The following ZZEF1 variants were observed in gnomAD, a reference collection of about 807,000 sequenced individuals.
The protein encoded by ZZEF1 is zinc finger ZZ-type and EF-hand domain-containing protein 1.
Under a neutral mutation model 342.8 loss-of-function variants are expected in ZZEF1, and 157 were observed. The ratio of observed to expected loss-of-function variants is 0.46; its 90% CI spans 0.40 to 0.52. The LOEUF (loss-of-function observed/expected upper bound fraction) is 0.52, where lower values mean the gene tolerates loss of function less well. Ranked by LOEUF, ZZEF1 falls within the 20% of genes least tolerant of loss-of-function variation. The pLI is 0.00. For missense variants in ZZEF1, 3,480 were observed against 3,725.6 expected (o/e 0.93, Z 1.72); for synonymous variants, 1,505 against 1,429.1 (o/e 1.05, Z -1.20).
At chr17:4,137,565 T>C (rs2058772039) in intron 1 of ZZEF1, among the ~76,000 whole-genome samples, 1 of 152,174 alleles carries the variant, frequency 6.6e-6, no homozygotes, top group African/African-American at 2.4e-5. Flanking sequence ...TGAGCCAAGA[T>C]TGTGCCACTG....
chr17:4,099,666 C>G (rs2058094118), intron 9 of ZZEF1, among the ~76,000 whole-genome samples: 1 of 152,050 alleles, frequency 6.6e-6, no homozygotes, highest in African/African-American at 2.4e-5. Context: ...CTGCCTCAGC[C>G]TCCCAAGTAG....
At chr17:4,118,450 C>T (rs367571655) in intron 2 of ZZEF1, among the ~76,000 whole-genome samples, 39 of 152,330 alleles carry the variant, frequency 2.6e-4, no homozygotes, top group African/African-American at 8.7e-4. Flanking sequence ...CTATGGGGGT[C>T]TGCCAAAGGC....
intron 1 of ZZEF1, among the ~76,000 whole-genome samples, chr17:4,131,013 C>T (rs1158637341): frequency 6.6e-5 from 10 of 152,102 alleles, no homozygotes; most frequent in Non-Finnish European, 7.4e-5. Context: ...TTTTCTAACC[C>T]GGAAGTCATT....
Position 4,088,682 on chromosome 17 carries a change from T to C in ZZEF1, c.2237A>G (p.Asp746Gly). The C allele has an allele frequency of 6.2e-7, 1 of 1,613,624 alleles. No individual in the cohort carries two copies. Among genetic ancestry groups the C allele is most frequent in the South Asian group, 1.1e-5 (1 of 91,044 alleles). Residue 746 changes from aspartate to glycine, a missense_variant, in exon 13 of 55, where the codon GAC becomes GGC. Physicochemically the swap from Asp to Gly is moderately conservative, Grantham distance 94. Around this residue, in one of 5 missense-constraint regions of ZZEF1, gnomAD observed 1,528 missense variants for 1,624.1 expected, o/e 0.94. Coordinates refer to ENST00000381638, the MANE Select transcript of ZZEF1 (RefSeq NM_015113.4). Reference protein sequence around the residue: ...TLQFIQQLAHDLVQQKESGLK... With the variant: ...TLQFIQQLAHGLVQQKESGLK... Reference sequence around the variant, plus strand: ...TAACAACTGAGGAAGCCCTACCAGGTCATGGGCGAGCTGCTGGATAAACTG... The same window carrying C: ...TAACAACTGAGGAAGCCCTACCAGGCCATGGGCGAGCTGCTGGATAAACTG...
intron 44 of ZZEF1, among the ~76,000 whole-genome samples, chr17:4,021,588 C>A (rs1452011611): frequency 1.3e-5 from 2 of 152,166 alleles, no homozygotes; most frequent in African/African-American, 4.8e-5. Flanking sequence ...CTTCTTTTGG[C>A]AAAATGTAAA....
chr17:4,102,501 G>A (rs1194566954), intron 8 of ZZEF1, 86 bp from the exon 9 acceptor site: 5 of 1,156,472 alleles, frequency 4.3e-6, no homozygotes, highest in Non-Finnish European at 3.8e-6. Context: ...ATAGAGTCCT[G>A]TGGCTACCCA....
intron 33 of ZZEF1, 92 bp downstream of exon 33, chr17:4,056,124 C>T: frequency 7.5e-7 from 1 of 1,336,452 alleles, no homozygotes; most frequent in South Asian, 2.2e-5. Flanking sequence ...GCAGCCCTCT[C>T]AGGTAAGAGC....
chr17:4,083,202 T>C (rs756580529), intron 16 of ZZEF1, among the ~76,000 whole-genome samples: 4 of 152,236 alleles, frequency 2.6e-5, no homozygotes, highest in Non-Finnish European at 4.4e-5. Context: ...TACAGAAGGT[T>C]GGCAGTGCTA....
In ZZEF1 at chr17:4,115,670, T is replaced by TA. The variant is rs1343361538; in HGVS notation, c.695-1201dup. On this transcript the variant is annotated intron_variant, in intron 3 of 54. Transcript: ENST00000381638. ...AGAGTAAGACTCCGTCGCAAATAAA[T>TA]AAATAAAATAAAATAAATAAACTAA... is the stretch of plus-strand genomic sequence containing the variant. 9.2e-5 allele frequency among the ~76,000 whole-genome samples: 14 copies of TA among 152,116 alleles called. No individual in the cohort carries two copies. In the East Asian group the frequency reaches 2.7e-3, roughly 29 times the overall value.
intron 1 of ZZEF1, among the ~76,000 whole-genome samples, chr17:4,130,105 A>C (rs2058639927): frequency 6.6e-6 from 1 of 152,174 alleles, no homozygotes; most frequent in Non-Finnish European, 1.5e-5. Context: ...CCATGAGATG[A>C]GTTTACCTCT....
chr17:4,051,929 T>C (rs1381098741), intron 35 of ZZEF1, 42 bp downstream of exon 35: 13 of 1,569,152 alleles, frequency 8.3e-6, no homozygotes, highest in Non-Finnish European at 9.5e-6. Context: ...TGAAGGAACG[T>C]GTAAATAAAA....
At position 4,031,272 on chromosome 17, in the gene ZZEF1, T is replaced by C. The variant is rs1160697415; in HGVS notation, c.6892+854A>G. 2.0e-5 allele frequency among the ~76,000 whole-genome samples: 3 copies of C among 151,634 alleles called. No homozygotes were observed. The East Asian group carries it at 5.8e-4, about 29-fold the overall frequency. On this transcript the variant is annotated intron_variant, in intron 42 of 54. Transcript: ENST00000381638. ...CGGAGGTTGCAGTGAGCTGAGATCG[T>C]GTCACCGCACTCCAGCCTGGGCAAC...
intron 36 of ZZEF1, among the ~76,000 whole-genome samples, chr17:4,050,361 A>T (rs920152352): frequency 1.3e-5 from 2 of 152,198 alleles, no homozygotes; most frequent in Admixed American, 1.3e-4. Flanking sequence ...TCCTTAGTCG[A>T]GTCAGATTCA....
Position 4,050,623 on chromosome 17 carries a change from G to A in ZZEF1, c.5863+158C>T, listed in dbSNP as rs11653597. Reference sequence around the variant, plus strand: ...TGCCAACATTTCTCTAAAATCCATCGGGGAACTTAAAAATTAAGTTCCACA... The same window carrying A: ...TGCCAACATTTCTCTAAAATCCATCAGGGAACTTAAAAATTAAGTTCCACA... On this transcript the variant is annotated intron_variant, in intron 36 of 54. Coordinates refer to ENST00000381638, the MANE Select transcript of ZZEF1 (RefSeq NM_015113.4). Among the ~76,000 whole-genome samples the A allele has an allele frequency of 7.1e-3, 1,077 of 152,136 alleles. 5 individuals are homozygous for A. Among genetic ancestry groups the A allele is most frequent in the Non-Finnish European group, 0.012 (782 of 67,982 alleles).
At chr17:4,119,484 A>G (rs1232081838) in intron 2 of ZZEF1, among the ~76,000 whole-genome samples, 1 of 152,328 alleles carries the variant, frequency 6.6e-6, no homozygotes, top group East Asian at 1.9e-4. Flanking sequence ...GGAAGCCAAC[A>G]TGGGGATTCT....
chr17:4,056,490 C>A, intron 32 of ZZEF1, 145 bp from the exon 33 acceptor site: 1 of 813,132 alleles, frequency 1.2e-6, no homozygotes, highest in East Asian at 3.3e-5. Flanking sequence ...TTTCAAAGCC[C>A]CAGGATTTGT....
intron 15 of ZZEF1, among the ~76,000 whole-genome samples, chr17:4,086,019 C>T (rs1035639259): frequency 1.3e-5 from 2 of 152,192 alleles, no homozygotes; most frequent in African/African-American, 4.8e-5. Flanking sequence ...TATGTCATTA[C>T]TTCCCTGTCC....
At position 4,064,703 on chromosome 17, in the gene ZZEF1, C is replaced by T. The variant is rs140979046; in HGVS notation, c.4376G>A (p.Arg1459His). ...ETSHLQPLNK[R>H]QRTSSVVEEH... The stretch of plus-strand genomic sequence containing the variant: ...TTCCACCACAGAGCTTGTCCTCTGA[C>T]GCTTGTTGAGTGGCTGGAGATGACT... Residue 1459 changes from arginine to histidine, a missense_variant, in exon 29 of 55, where the codon CGT (arginine) becomes CAT (histidine). Around this residue, in one of 5 missense-constraint regions of ZZEF1, gnomAD observed 1,528 missense variants for 1,624.1 expected, o/e 0.94. Coordinates refer to ENST00000381638, the MANE Select transcript of ZZEF1 (RefSeq NM_015113.4). 1.7e-4 allele frequency: 279 copies of T among 1,614,182 alleles called. No homozygotes were observed. In the African/African-American group the frequency reaches 2.8e-3, roughly 16 times the overall value.
chr17:4,055,467 A>G (rs1306156395), intron 33 of ZZEF1, among the ~76,000 whole-genome samples: 1 of 152,190 alleles, frequency 6.6e-6, no homozygotes, highest in Non-Finnish European at 1.5e-5. Flanking sequence ...TCTGAGCCTG[A>G]GCCTTTGCAC....
Sources: allele counts gnomAD v4.1 joint callset (sites outside exome capture counted in the v4.1 genomes callset), GRCh38; gene constraint gnomAD v4.1.1; regional missense constraint gnomAD v4.1.1; transcripts MANE v1.5; gene names NCBI Gene and HGNC (gene_info 2026-07-23, HGNC 2026-07-21).